The following XKR4 variants were observed in gnomAD, a reference collection of about 807,000 sequenced individuals.
XKR4 encodes XK-related protein 4.
Under a neutral mutation model 53.9 loss-of-function variants are expected in XKR4, and 12 were observed. That is an observed-to-expected ratio of 0.22 (90% CI 0.14 to 0.36). XKR4 has a LOEUF of 0.36. Among genes scored for constraint, XKR4 ranks in the 10% least tolerant of loss-of-function variants. XKR4 has a pLI of 1.00. For synonymous variants in XKR4, 354 were observed against 362.4 expected (o/e 0.98, Z 0.26); for missense variants, 799 against 859.5 (o/e 0.93, Z 0.88).
chr8:55,247,581 A>G (rs1340273472), intron 1 of XKR4, among the ~76,000 whole-genome samples: 2 of 152,156 alleles, frequency 1.3e-5, no homozygotes, highest in African/African-American at 2.4e-5. Flanking sequence ...TCTTACAACT[A>G]TGAGTCCTAT....
intron 1 of XKR4, among the ~76,000 whole-genome samples, chr8:55,310,899 T>C (rs986790225): frequency 6.6e-6 from 1 of 152,206 alleles, no homozygotes. Flanking sequence ...GAGGGTGTTA[T>C]AGGGTCAATC....
chr8:55,309,797 C>T (rs1819362375), intron 1 of XKR4, among the ~76,000 whole-genome samples: 1 of 152,148 alleles, frequency 6.6e-6, no homozygotes, highest in African/African-American at 2.4e-5. Context: ...TATCTTGCTG[C>T]TTATTATAGC....
At chr8:55,170,614 C>A (rs866096552) in intron 1 of XKR4, among the ~76,000 whole-genome samples, 1 of 152,058 alleles carries the variant, frequency 6.6e-6, no homozygotes, top group African/African-American at 2.4e-5. Context: ...TTTGTGGTAG[C>A]TTGTTACAGC....
intron 1 of XKR4, among the ~76,000 whole-genome samples, chr8:55,115,406 A>AG (rs1563459936): frequency 6.6e-6 from 1 of 151,986 alleles, no homozygotes; most frequent in East Asian, 1.9e-4. Context: ...ACACACACAA[A>AG]TGAATCTCCT....
At chr8:55,410,584 G>A (rs1452850596) in intron 2 of XKR4, among the ~76,000 whole-genome samples, 5 of 152,046 alleles carry the variant, frequency 3.3e-5, no homozygotes, top group Non-Finnish European at 7.4e-5. Context: ...TCATCCCCCT[G>A]TACATGCACA....
At chr8:55,273,712 C>G (rs1033918436) in intron 1 of XKR4, among the ~76,000 whole-genome samples, 1 of 152,200 alleles carries the variant, frequency 6.6e-6, no homozygotes, top group Non-Finnish European at 1.5e-5. Context: ...GACCAATCAG[C>G]ACTCCTGGCT....
intron 1 of XKR4, among the ~76,000 whole-genome samples, chr8:55,110,321 G>T (rs528333703): frequency 3.7e-4 from 57 of 152,238 alleles, no homozygotes; most frequent in South Asian, 4.1e-4. Flanking sequence ...TGGTGTCCTT[G>T]GTAAGTGACA....
intron 1 of XKR4, among the ~76,000 whole-genome samples, chr8:55,218,092 T>C (rs759052861): frequency 1.3e-5 from 2 of 152,214 alleles, no homozygotes; most frequent in Non-Finnish European, 2.9e-5. Flanking sequence ...ATTCAACAAA[T>C]GTTATCTCAT....
chr8:55,187,099 T>C (rs1156720747), intron 1 of XKR4, among the ~76,000 whole-genome samples: 1 of 152,102 alleles, frequency 6.6e-6, no homozygotes, highest in Non-Finnish European at 1.5e-5. Context: ...CCCTTGCCTT[T>C]CACAGCCTTG....
Position 55,422,662 on chromosome 8 carries a change from G to A in XKR4, c.1006+64785G>A, listed in dbSNP as rs546624683. Among the ~76,000 whole-genome samples the A allele has an allele frequency of 2.8e-3, 426 of 152,314 alleles. 3 individuals carry two copies. Among genetic ancestry groups the A allele is most frequent in the Non-Finnish European group, 3.8e-3 (258 of 68,040 alleles). On this transcript the variant is annotated intron_variant, in intron 2 of 2. Transcript: ENST00000327381. ...CGTGAAAGGTGGAGAATGCCAGACG[G>A]GTGGTTTATTATTAACGCCTCAGAC...
chr8:55,312,274 C>A (rs943887404), intron 1 of XKR4, among the ~76,000 whole-genome samples: 1 of 151,842 alleles, frequency 6.6e-6, no homozygotes, highest in South Asian at 2.1e-4. Context: ...GGTTACTAAA[C>A]CATTTCCTCA....
At chr8:55,341,222 T>A (rs1208969810) in intron 1 of XKR4, among the ~76,000 whole-genome samples, 1 of 152,130 alleles carries the variant, frequency 6.6e-6, no homozygotes, top group African/African-American at 2.4e-5. Flanking sequence ...GCAGGTCACC[T>A]TTGTGGGCAG....
chr8:55,241,905 G>C (rs1022673722), intron 1 of XKR4, among the ~76,000 whole-genome samples: 4 of 152,062 alleles, frequency 2.6e-5, no homozygotes, highest in Admixed American at 6.6e-5. Context: ...CATAAACCTA[G>C]CTCTGTGTAG....
At chr8:55,286,561 G>A (rs1254327245) in intron 1 of XKR4, among the ~76,000 whole-genome samples, 11 of 152,268 alleles carry the variant, frequency 7.2e-5, no homozygotes, top group South Asian at 2.1e-4. Flanking sequence ...AGCAGTGAGC[G>A]TCCCTGGAGA....
At chr8:55,414,617 C>G (rs1369688901) in intron 2 of XKR4, among the ~76,000 whole-genome samples, 1 of 151,042 alleles carries the variant, frequency 6.6e-6, no homozygotes, top group East Asian at 1.9e-4. Flanking sequence ...AAGTCCAGCC[C>G]ACAACTAAGG....
chr8:55,440,860 A>C (rs1805253510), intron 2 of XKR4, among the ~76,000 whole-genome samples: 1 of 152,104 alleles, frequency 6.6e-6, no homozygotes, highest in Non-Finnish European at 1.5e-5. Context: ...AAAGGTAAAA[A>C]TATGATTAAA....
intron 2 of XKR4, among the ~76,000 whole-genome samples, chr8:55,441,653 C>T (rs946455566): frequency 6.6e-6 from 1 of 152,068 alleles, no homozygotes; most frequent in African/African-American, 2.4e-5. Context: ...CACACAGATA[C>T]ATTTCTTTGA....
At chr8:55,439,240 A>T (rs1805229538) in intron 2 of XKR4, among the ~76,000 whole-genome samples, 1 of 152,094 alleles carries the variant, frequency 6.6e-6, no homozygotes, top group Non-Finnish European at 1.5e-5. Flanking sequence ...CACTCATCAG[A>T]AGCAAACAAA....
At chr8:55,350,242 T>C (rs1803706933) in intron 1 of XKR4, among the ~76,000 whole-genome samples, 1 of 152,200 alleles carries the variant, frequency 6.6e-6, no homozygotes, top group East Asian at 1.9e-4. Context: ...TCTTTGCCTA[T>C]AGTTATTTTC....
Sources: gnomAD v4.1 joint callset for allele counts (sites outside exome capture counted in the v4.1 genomes callset) on GRCh38, gnomAD v4.1.1 for gene constraint, MANE v1.5 for transcripts, NCBI Gene and HGNC (gene_info 2026-07-23, HGNC 2026-07-21) for gene names.